TTC28: variants seen among roughly 807,000 people sequenced by gnomAD.
The protein encoded by TTC28 is tetratricopeptide repeat protein 28.
In TTC28, 61 loss-of-function variants were observed where a neutral mutation model predicts 198.0. The observed-to-expected ratio is 0.31, with a 90% CI of 0.25 to 0.38. TTC28 has a LOEUF of 0.38. Among genes scored for constraint, TTC28 ranks in the 10% least tolerant of loss-of-function variants. The pLI is 1.00. For synonymous variants in TTC28, 1,171 were observed against 1,297.8 expected (o/e 0.90, Z 2.10); for missense variants, 2,678 against 3,164.0 (o/e 0.85, Z 3.69).
chr22:27,984,973 T>A (rs1204902364), intron 22 of TTC28, among the ~76,000 whole-genome samples: 1 of 152,168 alleles, frequency 6.6e-6, no homozygotes, highest in Non-Finnish European at 1.5e-5. Context: ...CAGGCACACC[T>A]GTCGCCGCGT....
chr22:28,549,892 A>T (rs2049627677), intron 2 of TTC28, among the ~76,000 whole-genome samples: 1 of 152,222 alleles, frequency 6.6e-6, no homozygotes, highest in Admixed American at 6.5e-5. Context: ...GTTGTAAATT[A>T]TTATATCATA....
chr22:27,999,234 T>C lies in TTC28; in HGVS notation c.4425A>G (p.Thr1475=). 5.2e-6 allele frequency: 8 copies of C among 1,550,642 alleles called. No homozygotes were observed. Among genetic ancestry groups the C allele is most frequent in the East Asian group, 2.4e-5 (1 of 40,906 alleles). The part of the protein sequence containing the change: ...SKSHLRKNPP[T]YSSSTSMAAV... ...CCGCCATGGATGTGGAGCTGGAGTA[T>C]GTGGGCGGGTTCTTCCGTAAGTGAG... is the stretch of plus-strand genomic sequence containing the variant. Residue 1475 remains threonine, a synonymous_variant, in exon 16 of 23, where the codon ACA becomes ACG. Transcript: ENST00000397906.
chr22:27,980,896 T>TAA lies in TTC28; in HGVS notation c.*1323_*1324dup, dbSNP rs1936987642. ...GTAGGAGAAGTCCACCTCCACTTTT[T>TAA]AAGATACATCTCTCTCTTCCCGGTT... On this transcript the variant is annotated 3_prime_UTR_variant, in exon 23 of 23. Transcript: ENST00000397906. The TAA allele has an allele frequency of 6.6e-6, 1 of 152,288 alleles. No homozygotes were observed. The highest frequency in any genetic ancestry group is 2.4e-5 in the African/African-American group (1 of 41,468). 9.4% of individuals were successfully genotyped at this position (152,288 alleles called of 1,614,324 possible).
chr22:28,004,533 G>A (rs914882391), intron 14 of TTC28, among the ~76,000 whole-genome samples: 1 of 152,206 alleles, frequency 6.6e-6, no homozygotes, highest in Non-Finnish European at 1.5e-5. Context: ...CCTGCATCAT[G>A]CCTAGGAGCT....
In TTC28 at chr22:28,511,659, A is replaced by G. The variant is rs150635496; in HGVS notation, c.381+117893T>C. ...ATGGTGAAACCCCGTCTCTACTAAA[A>G]ATACAAAAATTAGCCAGGCATGGTA... On this transcript the variant is annotated intron_variant, in intron 2 of 22. Transcript: ENST00000397906. Among the ~76,000 whole-genome samples, 313 of 152,288 alleles carry G rather than the reference A, an allele frequency of 2.1e-3. 1 individual carries two copies. Among genetic ancestry groups the G allele is most frequent in the African/African-American group, 6.9e-3 (285 of 41,568 alleles).
intron 2 of TTC28, among the ~76,000 whole-genome samples, chr22:28,440,585 C>T (rs1434015509): frequency 2.0e-5 from 3 of 152,208 alleles, no homozygotes; most frequent in East Asian, 3.8e-4. Flanking sequence ...ACCACAAATG[C>T]TGCTTGGGGT....
chr22:28,201,837 G>C (rs989657396), intron 5 of TTC28, among the ~76,000 whole-genome samples: 2 of 151,672 alleles, frequency 1.3e-5, no homozygotes, highest in Non-Finnish European at 2.9e-5. Flanking sequence ...AGGTGAAAGA[G>C]AGGAATACAG....
At chr22:28,565,858 A>T (rs907648951) in intron 2 of TTC28, among the ~76,000 whole-genome samples, 21 of 152,190 alleles carry the variant, frequency 1.4e-4, no homozygotes, top group Non-Finnish European at 2.6e-4. Flanking sequence ...GACAAACACT[A>T]CTTTGGAAAA....
At chr22:28,585,642 C>T (rs2050303296) in intron 2 of TTC28, among the ~76,000 whole-genome samples, 1 of 152,122 alleles carries the variant, frequency 6.6e-6, no homozygotes, top group South Asian at 2.1e-4. Flanking sequence ...TCAAAACAAA[C>T]CTGTAGTAAG....
At chr22:28,166,797 G>A (rs1293228373) in intron 5 of TTC28, among the ~76,000 whole-genome samples, 5 of 152,266 alleles carry the variant, frequency 3.3e-5, no homozygotes, top group Non-Finnish European at 7.4e-5. Flanking sequence ...TCAAAAGCTA[G>A]CAGAAGGCAA....
chr22:28,488,979 T>A (rs927827581), intron 2 of TTC28, among the ~76,000 whole-genome samples: 4 of 152,120 alleles, frequency 2.6e-5, no homozygotes, highest in African/African-American at 9.7e-5. Context: ...ATATCATCCA[T>A]CAATATTAAA....
chr22:28,542,963 G>A (rs2049449150), intron 2 of TTC28, among the ~76,000 whole-genome samples: 3 of 152,120 alleles, frequency 2.0e-5, no homozygotes, highest in African/African-American at 7.2e-5. Context: ...TAGTAATCAA[G>A]AAATGCAACT....
At chr22:28,535,464 C>T (rs1369623483) in intron 2 of TTC28, among the ~76,000 whole-genome samples, 1 of 152,096 alleles carries the variant, frequency 6.6e-6, no homozygotes. Context: ...CTTTTTGTTG[C>T]TAAATTTTAT....
chr22:28,430,994 GTTAAAAT>G (rs2047421694), intron 2 of TTC28, among the ~76,000 whole-genome samples: 1 of 151,712 alleles, frequency 6.6e-6, no homozygotes, highest in Non-Finnish European at 1.5e-5. Flanking sequence ...TTCAAGTCAA[GTTAAAAT>G]ACTACTCTAC....
chr22:28,309,126 G>A (rs753309065), intron 2 of TTC28, among the ~76,000 whole-genome samples: 9 of 152,098 alleles, frequency 5.9e-5, no homozygotes, highest in Non-Finnish European at 1.0e-4. Context: ...ACAGTACTTG[G>A]CAAAGAGTTA....
chr22:28,379,367 G>C (rs1284976365), intron 2 of TTC28, among the ~76,000 whole-genome samples: 2 of 152,042 alleles, frequency 1.3e-5, no homozygotes, highest in African/African-American at 4.8e-5. Flanking sequence ...CCAAAGGGTG[G>C]AGGCAACCCA....
At chr22:28,431,175 G>A (rs1326196555) in intron 2 of TTC28, among the ~76,000 whole-genome samples, 1 of 151,960 alleles carries the variant, frequency 6.6e-6, no homozygotes, top group African/African-American at 2.4e-5. Context: ...GGTATTTGGG[G>A]ACTTGCCTTA....
At chr22:28,547,339 C>T (rs2049567204) in intron 2 of TTC28, among the ~76,000 whole-genome samples, 1 of 152,066 alleles carries the variant, frequency 6.6e-6, no homozygotes, top group Non-Finnish European at 1.5e-5. Context: ...TGCACAAATG[C>T]AGGCAAAGAT....
chr22:28,224,951 C>G (rs1275303656), intron 5 of TTC28, among the ~76,000 whole-genome samples: 1 of 152,156 alleles, frequency 6.6e-6, no homozygotes, highest in African/African-American at 2.4e-5. Flanking sequence ...GCAGCTTTCC[C>G]AATGTTAGTA....
Sources: allele counts gnomAD v4.1 joint callset (sites outside exome capture counted in the v4.1 genomes callset), GRCh38; gene constraint gnomAD v4.1.1; transcripts MANE v1.5; gene names NCBI Gene and HGNC (gene_info 2026-07-23, HGNC 2026-07-21).